Variants in MSI2 observed in about 807,000 individuals in gnomAD.
MSI2 encodes RNA-binding protein Musashi homolog 2.
In MSI2, 17 loss-of-function variants were observed where a neutral mutation model predicts 45.6. The observed-to-expected ratio is 0.37, with a 90% CI of 0.26 to 0.56. The LOEUF (loss-of-function observed/expected upper bound fraction) is 0.56. MSI2 is among the 20% of genes least tolerant of loss of function. The pLI, the probability that MSI2 is intolerant of heterozygous loss-of-function variation, is 0.77. For missense variants in MSI2, 293 were observed against 444.2 expected (o/e 0.66, Z 3.06); for synonymous variants, 156 against 158.2 (o/e 0.99, Z 0.11).
At chr17:57,492,280 G>A (rs560241924) in intron 6 of MSI2, among the ~76,000 whole-genome samples, 7 of 152,276 alleles carry the variant, frequency 4.6e-5, no homozygotes, top group African/African-American at 1.7e-4. Flanking sequence ...GTAAAAATCA[G>A]GACGGCATAA....
chr17:57,381,076 T>C (rs1399696351), intron 5 of MSI2, among the ~76,000 whole-genome samples: 16 of 152,230 alleles, frequency 1.1e-4, no homozygotes, highest in African/African-American at 2.2e-4. Context: ...CTCAATTTTA[T>C]TTTTATTTTG....
chr17:57,586,501 T>TAA (rs5821193), intron 7 of MSI2, among the ~76,000 whole-genome samples: 19 of 148,936 alleles, frequency 1.3e-4, no homozygotes, highest in South Asian at 1.1e-3. Flanking sequence ...CCCCATCAGT[T>TAA]AAAAAAAAAA....
chr17:57,402,289 C>T (rs983007286), intron 6 of MSI2, among the ~76,000 whole-genome samples: 1 of 152,152 alleles, frequency 6.6e-6, no homozygotes, highest in Non-Finnish European at 1.5e-5. Context: ...TACCACCCTC[C>T]TCTGGCCCCT....
At chr17:57,336,984 C>A (rs1002206487) in intron 5 of MSI2, among the ~76,000 whole-genome samples, 1 of 152,140 alleles carries the variant, frequency 6.6e-6, no homozygotes, top group East Asian at 1.9e-4. Context: ...GCTTCGCCTT[C>A]CGGGATCCCT....
intron 7 of MSI2, among the ~76,000 whole-genome samples, chr17:57,530,470 G>A (rs1598371894): frequency 6.6e-6 from 1 of 152,274 alleles, no homozygotes; most frequent in South Asian, 2.1e-4. Flanking sequence ...AAAATTGGAG[G>A]CATCTAGAAA....
chr17:57,623,965 G>A (rs1285479432), intron 9 of MSI2, among the ~76,000 whole-genome samples: 1 of 152,238 alleles, frequency 6.6e-6, no homozygotes, highest in Non-Finnish European at 1.5e-5. Flanking sequence ...TCTGGCAGAT[G>A]CCGAATTCTC....
chr17:57,609,833 G>A (rs920726503), intron 8 of MSI2, among the ~76,000 whole-genome samples: 1 of 152,218 alleles, frequency 6.6e-6, no homozygotes, highest in African/African-American at 2.4e-5. Context: ...TTCCCCGCTA[G>A]GGAGAGGGTG....
intron 5 of MSI2, among the ~76,000 whole-genome samples, chr17:57,362,107 G>A (rs1321092142): frequency 6.6e-6 from 1 of 152,186 alleles, no homozygotes; most frequent in East Asian, 1.9e-4. Context: ...CTGGAACTGA[G>A]AATATGTGAA....
chr17:57,393,940 C>T (rs2083842776), intron 5 of MSI2, among the ~76,000 whole-genome samples: 1 of 152,194 alleles, frequency 6.6e-6, no homozygotes, highest in African/African-American at 2.4e-5. Flanking sequence ...CCTTGGCCTC[C>T]CAAGGTGCTG....
chr17:57,651,057 G>A (rs1449182705), intron 10 of MSI2, among the ~76,000 whole-genome samples: 1 of 152,174 alleles, frequency 6.6e-6, no homozygotes, highest in Non-Finnish European at 1.5e-5. Flanking sequence ...GATGGCAGAG[G>A]ATGTTTGTCT....
At chr17:57,380,533 T>G (rs2083581719) in intron 5 of MSI2, among the ~76,000 whole-genome samples, 1 of 152,186 alleles carries the variant, frequency 6.6e-6, no homozygotes, top group Non-Finnish European at 1.5e-5. Flanking sequence ...GGGGGCAAGC[T>G]GGGGGACCTG....
In MSI2 at chr17:57,679,901, A is replaced by C. The variant is rs147836101; in HGVS notation, c.*384A>C. Reference sequence around the variant, plus strand: ...TCACATAGCTTTAATATCTAGTTCAAAGCTAACCATAGTATAATTGTTATA... The same window carrying C: ...TCACATAGCTTTAATATCTAGTTCACAGCTAACCATAGTATAATTGTTATA... On this transcript the variant is annotated 3_prime_UTR_variant, in exon 14 of 14. Coordinates refer to ENST00000284073, the MANE Select transcript of MSI2 (RefSeq NM_138962.4). 8.0e-4 allele frequency: 185 copies of C among 230,680 alleles called. No individual in the cohort carries two copies. Among genetic ancestry groups the C allele is most frequent in the African/African-American group, 3.9e-3 (175 of 45,328 alleles). The allele number at this position is 230,680 out of a possible 1,614,324, so 14.3% of individuals were successfully genotyped here.
intron 6 of MSI2, among the ~76,000 whole-genome samples, chr17:57,430,762 G>A (rs541266511): frequency 1.3e-5 from 2 of 152,280 alleles, no homozygotes; most frequent in South Asian, 4.1e-4. Flanking sequence ...CTTGCCCTCT[G>A]ACCCAAGGAT....
chr17:57,517,273 G>A (rs1022498221), intron 6 of MSI2, among the ~76,000 whole-genome samples: 1 of 152,184 alleles, frequency 6.6e-6, no homozygotes, highest in African/African-American at 2.4e-5. Context: ...GCCCAAAGGG[G>A]AAGGAGCAGG....
chr17:57,677,790 C>T (rs1005669759), intron 13 of MSI2, among the ~76,000 whole-genome samples: 7 of 151,978 alleles, frequency 4.6e-5, no homozygotes, highest in Non-Finnish European at 1.0e-4. Flanking sequence ...TGGGGGAGGA[C>T]GGAAGAGAGG....
At chr17:57,524,475 C>T (rs1408130522) in intron 6 of MSI2, among the ~76,000 whole-genome samples, 1 of 152,180 alleles carries the variant, frequency 6.6e-6, no homozygotes, top group Non-Finnish European at 1.5e-5. Flanking sequence ...TTACCATTTG[C>T]TAAGTTTTCT....
At chr17:57,476,678 G>A (rs912141337) in intron 6 of MSI2, among the ~76,000 whole-genome samples, 5 of 152,190 alleles carry the variant, frequency 3.3e-5, no homozygotes, top group African/African-American at 9.7e-5. Context: ...GGACCTCAGC[G>A]TGGCTGAGGG....
chr17:57,390,014 G>A (rs1567796196), intron 5 of MSI2, among the ~76,000 whole-genome samples: 2 of 149,210 alleles, frequency 1.3e-5, no homozygotes. Context: ...GAGGCAGGAG[G>A]ATCACTTGAA....
At chr17:57,400,167 T>C (rs552172270) in intron 5 of MSI2, among the ~76,000 whole-genome samples, 46 of 152,312 alleles carry the variant, frequency 3.0e-4, no homozygotes, top group Non-Finnish European at 3.8e-4. Flanking sequence ...ACTCAGTCTT[T>C]AGAACGAAAT....
Sources: allele counts gnomAD v4.1 joint callset (sites outside exome capture counted in the v4.1 genomes callset), GRCh38; gene constraint gnomAD v4.1.1; transcripts MANE v1.5; gene names NCBI Gene and HGNC (gene_info 2026-07-23, HGNC 2026-07-21).